Variants in SLCO6A1 observed in about 807,000 individuals in gnomAD.
SLCO6A1 encodes the protein solute carrier organic anion transporter family member 6A1.
In SLCO6A1, 65 loss-of-function variants were observed where a neutral mutation model predicts 72.7. The ratio of observed to expected loss-of-function variants is 0.89; its 90% CI spans 0.73 to 1.10. SLCO6A1 has a LOEUF of 1.10. SLCO6A1 is among the 50% of genes least tolerant of loss of function. The probability of loss-of-function intolerance (pLI) is 0.00; values close to 1 mark genes in which losing one functional copy is unlikely to be tolerated. For missense variants in SLCO6A1, 874 were observed against 872.6 expected (o/e 1.00, Z -0.02); for synonymous variants, 314 against 298.2 (o/e 1.05, Z -0.55).
At chr5:102,424,227 C>G (rs1748765413) in intron 7 of SLCO6A1, among the ~76,000 whole-genome samples, 1 of 151,904 alleles carries the variant, frequency 6.6e-6, no homozygotes, top group Non-Finnish European at 1.5e-5. Context: ...GAAGCAAGAG[C>G]AAAAACATTC....
chr5:102,396,596 C>T (rs1389717069), intron 10 of SLCO6A1, among the ~76,000 whole-genome samples: 1 of 152,094 alleles, frequency 6.6e-6, no homozygotes, highest in African/African-American at 2.4e-5. Flanking sequence ...TATTCAATAA[C>T]ACAAGACACA....
At chr5:102,431,844 C>T (rs1371376194) in intron 7 of SLCO6A1, among the ~76,000 whole-genome samples, 1 of 152,092 alleles carries the variant, frequency 6.6e-6, no homozygotes, top group Admixed American at 6.5e-5. Context: ...TTGAAGTCTT[C>T]CACTATTAAT....
chr5:102,498,798 GA>G lies in SLCO6A1; in HGVS notation c.46del (p.Ser16GlnfsTer4), dbSNP rs1201854181. ...ARHSGSQDEV[S>X]RGVEPLEAAR... Reference sequence around the variant, plus strand: ...GGCCTCCAGCGGCTCTACTCCCCTTGAGACTTCATCCTGGCTCCCAGAGTGC... The same window carrying G: ...GGCCTCCAGCGGCTCTACTCCCCTTGGACTTCATCCTGGCTCCCAGAGTGC... On this transcript the variant is annotated frameshift_variant, in exon 1 of 14. Transcript: ENST00000506729. LOFTEE classifies it high-confidence loss of function. The G allele has an allele frequency of 6.2e-7, 1 of 1,613,680 alleles. No homozygotes were observed. The highest frequency in any genetic ancestry group is 2.2e-5 in the East Asian group (1 of 44,844).
intron 4 of SLCO6A1, among the ~76,000 whole-genome samples, chr5:102,470,645 CA>C (rs1751562132): frequency 6.6e-6 from 1 of 151,962 alleles, no homozygotes; most frequent in Admixed American, 6.6e-5. Context: ...TTTTTTGTCT[CA>C]TGGGGTGTTC....
chr5:102,445,392 G>T (rs1750053939), intron 6 of SLCO6A1, among the ~76,000 whole-genome samples: 1 of 152,148 alleles, frequency 6.6e-6, no homozygotes, highest in Admixed American at 6.5e-5. Flanking sequence ...TCTTGAAAAA[G>T]TGTCTGTTTA....
intron 12 of SLCO6A1, among the ~76,000 whole-genome samples, chr5:102,379,225 G>A (rs1277948232): frequency 6.6e-6 from 1 of 151,758 alleles, no homozygotes; most frequent in Non-Finnish European, 1.5e-5. Flanking sequence ...TTTCACTTTG[G>A]TTCACTGTAT....
intron 3 of SLCO6A1, 111 bp from the exon 4 acceptor site, chr5:102,475,904 A>G (rs1751874706): frequency 2.9e-6 from 2 of 688,030 alleles, no homozygotes; most frequent in East Asian, 5.5e-5. Context: ...AGCATTCTGT[A>G]TTAGTCAGAG....
intron 10 of SLCO6A1, 73 bp downstream of exon 10, chr5:102,399,482 T>C: frequency 9.9e-7 from 1 of 1,012,894 alleles, no homozygotes; most frequent in South Asian, 4.8e-5. Context: ...TTTGCTACAA[T>C]ATTCTAAAAT....
chr5:102,435,352 A>C (rs1749469747), intron 7 of SLCO6A1, among the ~76,000 whole-genome samples: 1 of 152,166 alleles, frequency 6.6e-6, no homozygotes, highest in Non-Finnish European at 1.5e-5. Context: ...ATATATAATT[A>C]GTATTTATAT....
chr5:102,437,281 T>C (rs1249150413), intron 7 of SLCO6A1, among the ~76,000 whole-genome samples: 1 of 152,186 alleles, frequency 6.6e-6, no homozygotes, highest in East Asian at 1.9e-4. Context: ...CAAGGTAGAA[T>C]TTGCAATTGC....
intron 10 of SLCO6A1, among the ~76,000 whole-genome samples, chr5:102,397,022 T>G (rs1747123072): frequency 6.6e-6 from 1 of 152,160 alleles, no homozygotes; most frequent in Admixed American, 6.5e-5. Flanking sequence ...ATTGTTACAG[T>G]GTGGATTAAG....
At chr5:102,495,360 G>A (rs549022792) in intron 1 of SLCO6A1, among the ~76,000 whole-genome samples, 7 of 152,278 alleles carry the variant, frequency 4.6e-5, no homozygotes, top group African/African-American at 7.2e-5. Flanking sequence ...TTGGGAGGCC[G>A]CGGTGGGCGG....
At chr5:102,489,393 C>T (rs555650517) in intron 1 of SLCO6A1, among the ~76,000 whole-genome samples, 1 of 152,120 alleles carries the variant, frequency 6.6e-6, no homozygotes, top group African/African-American at 2.4e-5. Flanking sequence ...GGAACTCAAA[C>T]AATTCAATAG....
At chr5:102,447,199 T>C (rs930132542) in intron 6 of SLCO6A1, among the ~76,000 whole-genome samples, 3 of 152,220 alleles carry the variant, frequency 2.0e-5, no homozygotes, top group Admixed American at 6.5e-5. Context: ...CAACCTTGCA[T>C]CCCAGAAATA....
intron 7 of SLCO6A1, among the ~76,000 whole-genome samples, chr5:102,431,591 AGAGAGT>A (rs1580415292): frequency 6.6e-6 from 1 of 152,160 alleles, no homozygotes; most frequent in East Asian, 1.9e-4. Flanking sequence ...CTGGGGTCCA[AGAGAGT>A]GGTTGGTATG....
At chr5:102,484,887 T>C (rs536465912) in intron 1 of SLCO6A1, among the ~76,000 whole-genome samples, 22 of 152,254 alleles carry the variant, frequency 1.4e-4, no homozygotes, top group African/African-American at 5.3e-4. Context: ...TTTTACAAAG[T>C]TAGGTGCAAT....
At chr5:102,435,704 G>A (rs983335497) in intron 7 of SLCO6A1, among the ~76,000 whole-genome samples, 4 of 151,992 alleles carry the variant, frequency 2.6e-5, no homozygotes, top group African/African-American at 9.7e-5. Flanking sequence ...GAGAAACCCC[G>A]TCTCTACTAA....
chr5:102,391,077 C>A (rs1746730149), intron 10 of SLCO6A1, 32 bp from the exon 11 acceptor site: 13 of 1,578,830 alleles, frequency 8.2e-6, no homozygotes, highest in Non-Finnish European at 1.0e-5. Context: ...ATAATCAGCA[C>A]ATCATTGTTA....
At chr5:102,435,979 A>G (rs1318037435) in intron 7 of SLCO6A1, among the ~76,000 whole-genome samples, 1 of 152,160 alleles carries the variant, frequency 6.6e-6, no homozygotes, top group Non-Finnish European at 1.5e-5. Context: ...TGTTCCAGGC[A>G]TTGTGATGTA....
Sources: allele counts gnomAD v4.1 joint callset (sites outside exome capture counted in the v4.1 genomes callset), GRCh38; gene constraint gnomAD v4.1.1; transcripts MANE v1.5; gene names NCBI Gene and HGNC (gene_info 2026-07-23, HGNC 2026-07-21).